The following CCDC91 variants were observed in gnomAD, a reference collection of about 807,000 sequenced individuals.
CCDC91 encodes coiled-coil domain containing 91, also known as coiled-coil domain-containing protein 91.
Under a neutral mutation model 63.2 loss-of-function variants are expected in CCDC91, and 48 were observed. The ratio of observed to expected loss-of-function variants is 0.76; its 90% CI spans 0.60 to 0.97. The LOEUF is 0.97. Ranked by LOEUF, CCDC91 falls within the 50% of genes least tolerant of loss-of-function variation. The pLI, the probability that CCDC91 is intolerant of heterozygous loss-of-function variation, is 0.00. For missense variants in CCDC91, 500 were observed against 494.6 expected (o/e 1.01, Z -0.10); for synonymous variants, 167 against 165.8 (o/e 1.01, Z -0.06).
At chr12:28,248,889 A>C (rs1945937396) in intron 1 of CCDC91, among the ~76,000 whole-genome samples, 1 of 152,226 alleles carries the variant, frequency 6.6e-6, no homozygotes, top group Admixed American at 6.5e-5. Flanking sequence ...TGAGAGAGCC[A>C]AGTCTCTGAG....
rs557659062 is a variant in CCDC91 at position 28,278,183 on chromosome 12, G to A, written c.109+18741G>A. On this transcript the variant is annotated intron_variant, in intron 3 of 12. Transcript: ENST00000536442. ...TTTTCATTAATTACTGTTTAGTTTC[G>A]TCTGTGGCATTTTATACTGTTAGCT... Among the ~76,000 whole-genome samples, 24 of 151,856 alleles carry A rather than the reference G, an allele frequency of 1.6e-4. No individual in the cohort carries two copies. In the East Asian group the frequency reaches 2.9e-3, roughly 18 times the overall value.
chr12:28,483,288 G>T (rs541302947), intron 11 of CCDC91, among the ~76,000 whole-genome samples: 4 of 152,122 alleles, frequency 2.6e-5, no homozygotes, highest in Admixed American at 2.0e-4. Context: ...TTGCCTTGAT[G>T]TCCAATAAAA....
rs550836296 is a variant in CCDC91 at position 28,474,907 on chromosome 12, G to A, written c.1102-9145G>A. ...CACCTACATGGAAACTGAACAACCT[G>A]CTCCTGAAGGACTACTGGGTACATA... On this transcript the variant is annotated intron_variant, in intron 11 of 12. Coordinates refer to ENST00000536442, the MANE Select transcript of CCDC91 (RefSeq NM_018318.5). Among the ~76,000 whole-genome samples the A allele has an allele frequency of 6.6e-5, 10 of 152,124 alleles. No individual in the cohort carries two copies. The South Asian group carries it at 2.1e-3, about 32-fold the overall frequency.
chr12:28,314,949 A>C (rs959962074), intron 6 of CCDC91, among the ~76,000 whole-genome samples: 5 of 151,948 alleles, frequency 3.3e-5, no homozygotes, highest in Admixed American at 6.6e-5. Context: ...GAATGATTGA[A>C]TTATTCAATC....
intron 1 of CCDC91, among the ~76,000 whole-genome samples, chr12:28,216,335 TGTA>T (rs1246528491): frequency 2.0e-5 from 3 of 152,070 alleles, no homozygotes; most frequent in Admixed American, 6.6e-5. Context: ...CTTTAGAAAA[TGTA>T]GTCATTTTCT....
At chr12:28,222,964 C>A (rs183824545) in intron 1 of CCDC91, among the ~76,000 whole-genome samples, 1 of 152,160 alleles carries the variant, frequency 6.6e-6, no homozygotes, top group Non-Finnish European at 1.5e-5. Flanking sequence ...GTGAACTCAT[C>A]TATTTTTCCA....
At chr12:28,447,137 T>A (rs1949541420) in intron 8 of CCDC91, among the ~76,000 whole-genome samples, 1 of 152,210 alleles carries the variant, frequency 6.6e-6, no homozygotes, top group African/African-American at 2.4e-5. Flanking sequence ...CATAAGGCTA[T>A]AATTGTACAA....
At chr12:28,413,316 C>T (rs191845443) in intron 8 of CCDC91, among the ~76,000 whole-genome samples, 2 of 152,238 alleles carry the variant, frequency 1.3e-5, no homozygotes, top group Non-Finnish European at 1.5e-5. Flanking sequence ...TCTTTCCCCA[C>T]AGTTCTTAAT....
At chr12:28,522,057 G>A (rs1283989330) in intron 12 of CCDC91, among the ~76,000 whole-genome samples, 4 of 152,164 alleles carry the variant, frequency 2.6e-5, no homozygotes, top group African/African-American at 9.7e-5. Flanking sequence ...TCTCTGCCAG[G>A]CTTTGGTATC....
intron 12 of CCDC91, among the ~76,000 whole-genome samples, chr12:28,503,128 C>T (rs1638602127): frequency 6.6e-6 from 1 of 152,044 alleles, no homozygotes; most frequent in Non-Finnish European, 1.5e-5. Context: ...AAAGAAACTA[C>T]CATCAGAATG....
At chr12:28,228,974 TAGTACAACATAAA>T in intron 1 of CCDC91, among the ~76,000 whole-genome samples, 1 of 152,240 alleles carries the variant, frequency 6.6e-6, no homozygotes, top group Middle Eastern at 3.4e-3. Context: ...TTTCAAAGGA[TAGTACAACATAAA>T]AGTATCTTAT....
intron 12 of CCDC91, among the ~76,000 whole-genome samples, chr12:28,500,244 C>A (rs575528160): frequency 6.0e-5 from 9 of 151,022 alleles, no homozygotes; most frequent in African/African-American, 2.2e-4. Flanking sequence ...TGGATATTAG[C>A]CCTTTGTCAG....
rs1951587646 is a variant in CCDC91 at position 28,484,054 on chromosome 12, A to G, written c.1104A>G (p.Glu368=). The G allele has an allele frequency of 6.2e-7, 1 of 1,606,172 alleles. No individual in the cohort carries two copies. The highest frequency in any genetic ancestry group is 1.3e-5 in the African/African-American group (1 of 74,668). The change falls in exon 12 of 13, where the codon GAA becomes GAG. Residue 368 remains glutamate (E), a splice_region_variant and synonymous_variant. Coordinates refer to ENST00000536442, the MANE Select transcript of CCDC91 (RefSeq NM_018318.5). ...AIQEQRKISQ[E]TVKAAIIEEQ... ...GTTTTGCCTTCTCCCACAAACAGGA[A>G]ACTGTTAAGGCAGCAATAATAGAAG...
At chr12:28,310,818 A>G (rs1475797320) in intron 6 of CCDC91, among the ~76,000 whole-genome samples, 1 of 151,664 alleles carries the variant, frequency 6.6e-6, no homozygotes, top group East Asian at 1.9e-4. Context: ...TAAACTTTCT[A>G]TTCTGTTTGT....
intron 12 of CCDC91, among the ~76,000 whole-genome samples, chr12:28,514,784 G>A (rs756264404): frequency 3.3e-5 from 5 of 151,804 alleles, no homozygotes; most frequent in Admixed American, 6.6e-5. Context: ...CTTTGCCAAA[G>A]ATCAGATGGT....
intron 1 of CCDC91, among the ~76,000 whole-genome samples, chr12:28,248,433 T>TGAAA (rs1473849676): frequency 7.0e-6 from 1 of 143,788 alleles, no homozygotes; most frequent in East Asian, 1.9e-4. Context: ...GTATCTAAAG[T>TGAAA]GAAAGAAAGG....
At chr12:28,271,223 G>T (rs1166256648) in intron 3 of CCDC91, among the ~76,000 whole-genome samples, 1 of 151,404 alleles carries the variant, frequency 6.6e-6, no homozygotes, top group African/African-American at 2.5e-5. Context: ...GAGGGAAACA[G>T]AGAGCATGTT....
chr12:28,474,601 T>C (rs889355402), intron 11 of CCDC91, among the ~76,000 whole-genome samples: 21 of 152,166 alleles, frequency 1.4e-4, no homozygotes, highest in Admixed American at 3.9e-4. Context: ...AAATCCATAA[T>C]CTATCTAAAG....
At chr12:28,476,101 G>A (rs956062710) in intron 11 of CCDC91, among the ~76,000 whole-genome samples, 2 of 151,868 alleles carry the variant, frequency 1.3e-5, no homozygotes, top group African/African-American at 4.8e-5. Flanking sequence ...GTTTTTCTTA[G>A]TAAGAATGGA....
Sources: gnomAD v4.1 joint callset for allele counts (sites outside exome capture counted in the v4.1 genomes callset) on GRCh38, gnomAD v4.1.1 for gene constraint, MANE v1.5 for transcripts, NCBI Gene and HGNC (gene_info 2026-07-23, HGNC 2026-07-21) for gene names.